The following AGAP1 variants were observed in gnomAD, a reference collection of about 807,000 sequenced individuals.
AGAP1 encodes the protein arf-GAP with GTPase, ANK repeat and PH domain-containing protein 1.
A neutral mutation model predicts 105.3 loss-of-function variants in AGAP1; 29 were observed. The ratio of observed to expected loss-of-function variants is 0.28; its 90% confidence interval spans 0.21 to 0.38. The LOEUF is 0.38. Ranked by LOEUF, AGAP1 falls within the 10% of genes least tolerant of loss-of-function variation. AGAP1 has a pLI of 1.00. For missense variants in AGAP1, 998 were observed against 1,165.1 expected (o/e 0.86, Z 2.09); for synonymous variants, 509 against 485.9 (o/e 1.05, Z -0.63).
At chr2:235,670,735 C>T (rs1948359241) in intron 1 of AGAP1, 3 of 874,856 alleles carry the variant, frequency 3.4e-6, no homozygotes, top group Non-Finnish European at 3.6e-6. Flanking sequence ...ACACCCTGGA[C>T]GTGGGCGAGG....
intron 1 of AGAP1, among the ~76,000 whole-genome samples, chr2:235,503,000 TGAAA>T (rs761970187): frequency 7.9e-5 from 12 of 152,152 alleles, no homozygotes; most frequent in African/African-American, 2.7e-4. Flanking sequence ...GGAGGATACT[TGAAA>T]GAAAGAAGTT....
At chr2:235,863,985 T>A (rs571423594) in intron 9 of AGAP1, among the ~76,000 whole-genome samples, 2 of 152,342 alleles carry the variant, frequency 1.3e-5, no homozygotes, top group East Asian at 3.9e-4. Flanking sequence ...GACAAATCTT[T>A]TATGCGGAGG....
At chr2:235,738,485 A>T (rs1262471382) in intron 3 of AGAP1, among the ~76,000 whole-genome samples, 2 of 152,082 alleles carry the variant, frequency 1.3e-5, no homozygotes, top group African/African-American at 2.4e-5. Context: ...AGAACAGGGT[A>T]TGAAGGAGAA....
In AGAP1 at chr2:235,741,487, TG is replaced by T. The variant is rs78962931; in HGVS notation, c.396+441del. Among the ~76,000 whole-genome samples, 136 of 152,322 alleles carry T rather than the reference TG, an allele frequency of 8.9e-4. 1 individual carries two copies. The East Asian group carries it at 0.022, about 25-fold the overall frequency. ...CTCTGTCTCTGGTAACTACAGGCAT[TG>T]GCCCCTCTGTGCCGCCCTGGCCTTG... On this transcript the variant is annotated intron_variant, in intron 4 of 17. Coordinates refer to ENST00000304032, the MANE Select transcript of AGAP1 (RefSeq NM_001037131.3). The surrounding 1 kb of genome is among the most constrained non-coding windows in gnomAD (Gnocchi z 4.9).
intron 1 of AGAP1, among the ~76,000 whole-genome samples, chr2:235,570,308 A>AT (rs1559256183): frequency 6.6e-6 from 1 of 152,180 alleles, no homozygotes; most frequent in Admixed American, 6.5e-5. Context: ...CCATTTATTT[A>AT]TGGGGCCTAG....
In AGAP1 at chr2:236,109,934, G is replaced by A. The variant is rs558043320; in HGVS notation, c.2115-10258G>A. ...CCAAGTGTTAAGATGGCCAAAGGGAGAGCATGAGAAAATGATGCTGTGGAT... is the reference window on the plus strand; with the variant it reads ...CCAAGTGTTAAGATGGCCAAAGGGAAAGCATGAGAAAATGATGCTGTGGAT... On this transcript the variant is annotated intron_variant, in intron 16 of 17. Coordinates refer to ENST00000304032, the MANE Select transcript of AGAP1 (RefSeq NM_001037131.3). The surrounding 1 kb of genome is among the most constrained non-coding windows in gnomAD (Gnocchi z 5.4). Among the ~76,000 whole-genome samples the A allele has an allele frequency of 4.6e-5, 7 of 152,300 alleles. No homozygotes were observed. The highest frequency in any genetic ancestry group is 1.4e-4 in the African/African-American group (6 of 41,582).
chr2:235,779,674 C>T (rs973210889), intron 6 of AGAP1, among the ~76,000 whole-genome samples: 1 of 152,200 alleles, frequency 6.6e-6, no homozygotes, highest in Non-Finnish European at 1.5e-5. Flanking sequence ...CCCTGGTTTC[C>T]TTCAGGTGAG....
intron 1 of AGAP1, chr2:235,670,260 TTC>T: frequency 2.0e-6 from 1 of 504,860 alleles, no homozygotes; most frequent in South Asian, 2.6e-5. Flanking sequence ...CCACGCCCGG[TTC>T]GGCGGCCCCG....
chr2:235,918,194 G>A (rs141895225), intron 11 of AGAP1, among the ~76,000 whole-genome samples: 25 of 152,298 alleles, frequency 1.6e-4, no homozygotes, highest in Admixed American at 1.5e-3. Flanking sequence ...TTGGATCTTG[G>A]TTACAACATA....
rs1485420549 is a variant in AGAP1, at chr2:235,574,784, A to C, written c.163+79935A>C. ...AAAGAAAGAAAATCACACAAGACCA[A>C]ATAACTAATTTTGAATATTTTCTGA... is the stretch of plus-strand genomic sequence containing the variant. On this transcript the variant is annotated intron_variant, in intron 1 of 17. Coordinates refer to ENST00000304032, the MANE Select transcript of AGAP1 (RefSeq NM_001037131.3). The surrounding 1 kb of genome is among the most constrained non-coding windows in gnomAD (Gnocchi z 5.0). 6.6e-6 allele frequency among the ~76,000 whole-genome samples: 1 copy of C among 152,216 alleles called. No homozygotes were observed. Among genetic ancestry groups the C allele is most frequent in the African/African-American group, 2.4e-5 (1 of 41,444 alleles).
At chr2:235,746,846 G>A (rs1458484677) in intron 5 of AGAP1, among the ~76,000 whole-genome samples, 2 of 152,144 alleles carry the variant, frequency 1.3e-5, no homozygotes, top group South Asian at 2.1e-4. Context: ...AAAAGTGACA[G>A]TGAAGTTCCC....
intron 1 of AGAP1, among the ~76,000 whole-genome samples, chr2:235,509,936 C>T (rs997344650): frequency 5.9e-5 from 9 of 151,932 alleles, no homozygotes; most frequent in Non-Finnish European, 8.8e-5. Context: ...GTCAGATCAG[C>T]GGCGGCATTA....
chr2:236,102,240 A>AC (rs1392533260), intron 16 of AGAP1, among the ~76,000 whole-genome samples: 1 of 152,008 alleles, frequency 6.6e-6, no homozygotes, highest in African/African-American at 2.4e-5. Context: ...ACACGGTGAA[A>AC]CCCTGTTTCT....
At chr2:236,117,902 GCTGCCTCCGCT>G (rs1206081045) in intron 16 of AGAP1, among the ~76,000 whole-genome samples, 3 of 152,112 alleles carry the variant, frequency 2.0e-5, no homozygotes, top group Non-Finnish European at 2.9e-5. Flanking sequence ...GGGTGCAGGG[GCTGCCTCCGCT>G]GCATTTGTGG....
At chr2:235,860,270 A>G (rs970784339) in intron 9 of AGAP1, among the ~76,000 whole-genome samples, 13 of 152,252 alleles carry the variant, frequency 8.5e-5, no homozygotes, top group African/African-American at 2.7e-4. Flanking sequence ...AAAGGAAGAT[A>G]ATAATGCTGA....
intron 1 of AGAP1, among the ~76,000 whole-genome samples, chr2:235,636,332 A>C (rs752474578): frequency 6.6e-6 from 1 of 152,008 alleles, no homozygotes; most frequent in Admixed American, 6.6e-5. Flanking sequence ...CCTGCCCCCA[A>C]TTTTTGGGAT....
At chr2:235,594,372 C>T (rs1390214047) in intron 1 of AGAP1, among the ~76,000 whole-genome samples, 1 of 151,876 alleles carries the variant, frequency 6.6e-6, no homozygotes, top group Non-Finnish European at 1.5e-5. Flanking sequence ...GTCTCCTCCT[C>T]TGTACTCTCC....
chr2:235,671,169 C>T, intron 1 of AGAP1: 2 of 1,148,398 alleles, frequency 1.7e-6, no homozygotes, highest in East Asian at 3.3e-5. Context: ...CACGTGGCCT[C>T]GAGGGATGCG....
chr2:235,613,024 T>A (rs1946189332), intron 1 of AGAP1, among the ~76,000 whole-genome samples: 1 of 151,914 alleles, frequency 6.6e-6, no homozygotes, highest in Non-Finnish European at 1.5e-5. Flanking sequence ...CATTTCAGTT[T>A]TGTTTTTTTT....
Sources: allele counts gnomAD v4.1 joint callset (sites outside exome capture counted in the v4.1 genomes callset), GRCh38; gene constraint gnomAD v4.1.1; non-coding constraint Gnocchi (gnomAD v3.1); transcripts MANE v1.5; gene names NCBI Gene and HGNC (gene_info 2026-07-23, HGNC 2026-07-21).